Variants in CPPED1 observed in about 807,000 individuals in gnomAD.
CPPED1 encodes calcineurin like phosphoesterase domain containing 1.
A neutral mutation model predicts 28.0 loss-of-function variants in CPPED1; 28 were observed. That is an observed-to-expected ratio of 1.00 (90% CI 0.74 to 1.37). The LOEUF is 1.37. Ranked by LOEUF, CPPED1 falls within the 40% of genes most tolerant of loss-of-function variation. CPPED1 has a pLI of 0.00. For missense variants in CPPED1, 504 were observed against 416.5 expected (o/e 1.21, Z -1.83); for synonymous variants, 198 against 180.2 (o/e 1.10, Z -0.79).
chr16:12,739,810 G>T (rs1305805839), intron 2 of CPPED1, among the ~76,000 whole-genome samples: 1 of 152,124 alleles, frequency 6.6e-6, no homozygotes, highest in African/African-American at 2.4e-5. Context: ...GAAACTTTTG[G>T]TTTCTTGATA....
chr16:12,788,525 T>C (rs1458504370), intron 1 of CPPED1, among the ~76,000 whole-genome samples: 4 of 152,148 alleles, frequency 2.6e-5, no homozygotes, highest in Non-Finnish European at 5.9e-5. Context: ...CTCTCAGAGT[T>C]ACTGTAACCA....
rs1160332592 is a variant in CPPED1, at chr16:12,664,451, G to C, written c.*435C>G. The C allele has an allele frequency of 9.9e-7, 1 of 1,007,016 alleles. No homozygotes were observed. Among genetic ancestry groups the C allele is most frequent in the African/African-American group, 1.7e-5 (1 of 57,334 alleles). The allele number at this position is 1,007,016 out of a possible 1,614,324, so 62.4% of individuals were successfully genotyped here. A position where few individuals can be genotyped will look rare whatever the true frequency, so the allele number is the denominator to read the frequency against. ...GAACTTTGTTTTGCCTAGCGTTTTG[G>C]GAATCGTGACCACAATTTAATACAA... is the stretch of plus-strand genomic sequence containing the variant. On this transcript the variant is annotated 3_prime_UTR_variant, in exon 4 of 4. Coordinates refer to ENST00000381774, the MANE Select transcript of CPPED1 (RefSeq NM_018340.3). This position sits in a 1 kb window ranked among gnomAD's most constrained non-coding sequence, Gnocchi z 4.2.
chr16:12,785,150 A>G (rs540467398), intron 1 of CPPED1, among the ~76,000 whole-genome samples: 22 of 152,334 alleles, frequency 1.4e-4, no homozygotes, highest in African/African-American at 5.1e-4. Flanking sequence ...AGATATTTGG[A>G]GCTTACAATG....
chr16:12,695,276 T>C (rs72779035), intron 3 of CPPED1, among the ~76,000 whole-genome samples: 11,196 of 152,172 alleles, frequency 0.074, 466 homozygotes, highest in Middle Eastern at 0.12. Flanking sequence ...TATTTACTTA[T>C]TTTTTTGAGA....
intron 2 of CPPED1, among the ~76,000 whole-genome samples, chr16:12,733,400 G>A (rs1400197000): frequency 1.3e-5 from 2 of 151,400 alleles, no homozygotes; most frequent in Non-Finnish European, 1.5e-5. Flanking sequence ...TCAGTCTCCT[G>A]AGTAGTTAGG....
rs1201455043 is a variant in CPPED1 at position 12,803,752 on chromosome 16, C to G, written c.25G>C (p.Val9Leu). Residue 9 changes from valine to leucine, a missense_variant, in exon 1 of 4, where the codon GTT becomes CTT. Transcript: ENST00000381774. ...GTCCTGCCCCTGGCTCTGTGGAAAA[C>G]ACCCCCCGCCTCTGCAGCCGACATG... Reference protein sequence around the residue: MSAAEAGGVFHRARGRTLA... With the variant: MSAAEAGGLFHRARGRTLA... 37 of 1,597,180 alleles carry G rather than the reference C, an allele frequency of 2.3e-5. No individual in the cohort carries two copies. Among genetic ancestry groups the G allele is most frequent in the Non-Finnish European group, 3.0e-5 (35 of 1,173,266 alleles).
chr16:12,673,028 G>A (rs1021908870), intron 3 of CPPED1, among the ~76,000 whole-genome samples: 1 of 151,568 alleles, frequency 6.6e-6, no homozygotes, highest in Non-Finnish European at 1.5e-5. Flanking sequence ...AAAGAAAAAA[G>A]AAAAGAGAAA....
At chr16:12,749,207 T>A (rs1442228685) in intron 2 of CPPED1, among the ~76,000 whole-genome samples, 1 of 152,218 alleles carries the variant, frequency 6.6e-6, no homozygotes, top group Non-Finnish European at 1.5e-5. Flanking sequence ...ATCTACAGAA[T>A]GTCCTTCCAA....
At chr16:12,783,601 A>G (rs971619171) in intron 1 of CPPED1, among the ~76,000 whole-genome samples, 2 of 152,188 alleles carry the variant, frequency 1.3e-5, no homozygotes, top group African/African-American at 4.8e-5. Context: ...AGTAAGGGCC[A>G]GTGATAACCT....
intron 3 of CPPED1, among the ~76,000 whole-genome samples, chr16:12,676,785 T>C (rs921485324): frequency 3.9e-5 from 6 of 152,196 alleles, no homozygotes; most frequent in Admixed American, 3.9e-4. Flanking sequence ...ATAATATTTA[T>C]GGAGTGTTCA....
intron 2 of CPPED1, among the ~76,000 whole-genome samples, chr16:12,724,314 C>T (rs566305057): frequency 1.0e-3 from 152 of 152,304 alleles, no homozygotes; most frequent in Non-Finnish European, 1.9e-3. Context: ...TTCAATTCCT[C>T]ACACACTTTA....
At chr16:12,788,508 G>T (rs1037202866) in intron 1 of CPPED1, among the ~76,000 whole-genome samples, 7 of 152,130 alleles carry the variant, frequency 4.6e-5, no homozygotes, top group Admixed American at 3.9e-4. Flanking sequence ...TGTCAGTGCT[G>T]GAAGGACTCT....
rs536148256 is a variant in CPPED1 at position 12,694,848 on chromosome 16, G to A, written c.715+9776C>T. On this transcript the variant is annotated intron_variant, in intron 3 of 3. Transcript: ENST00000381774. The stretch of plus-strand genomic sequence containing the variant: ...GCTAGAGTGCAGTGGCACGATCCCT[G>A]TTCACTGCAACCTCCGCCTCCCAGC... Among the ~76,000 whole-genome samples the A allele has an allele frequency of 2.6e-5, 4 of 151,256 alleles. No individual in the cohort carries two copies. The East Asian group carries it at 7.8e-4, about 30-fold the overall frequency.
At chr16:12,759,163 T>TAC (rs750180409) in intron 2 of CPPED1, 1,216 of 74,362 alleles carry the variant, frequency 0.016, 19 homozygotes, top group African/African-American at 0.062. Context: ...ACTCTGTCTC[T>TAC]AAAAAAAAAA....
chr16:12,684,992 G>C (rs1279756112), intron 3 of CPPED1, among the ~76,000 whole-genome samples: 1 of 152,160 alleles, frequency 6.6e-6, no homozygotes, highest in Non-Finnish European at 1.5e-5. Context: ...TTTTACAAAA[G>C]AACTGCCATG....
At chr16:12,724,480 C>T (rs1342633762) in intron 2 of CPPED1, among the ~76,000 whole-genome samples, 2 of 152,188 alleles carry the variant, frequency 1.3e-5, no homozygotes, top group Non-Finnish European at 2.9e-5. Context: ...GTGGCTCTTT[C>T]AGCTGTCACC....
rs375221597 is a variant in CPPED1 at position 12,719,254 on chromosome 16, G to A, written c.290-14205C>T. Among the ~76,000 whole-genome samples the A allele has an allele frequency of 1.2e-4, 18 of 151,798 alleles. No individual in the cohort carries two copies. In the South Asian group the frequency reaches 2.1e-3, roughly 18 times the overall value. ...AAAACACAAAAAATTAGCCAGGTGC[G>A]GTGGCGGGCGCCTGTAGTCCCAGCT... On this transcript the variant is annotated intron_variant, in intron 2 of 3. Transcript: ENST00000381774.
chr16:12,759,163 TA>T lies in CPPED1; in HGVS notation c.289+22021del, dbSNP rs61373635. The T allele has an allele frequency of 7.4e-3, 551 of 74,344 alleles. 2 individuals are homozygous for T. Among genetic ancestry groups the T allele is most frequent in the African/African-American group, 0.027 (493 of 18,520 alleles). The allele number at this position is 74,344 out of a possible 1,614,324, so 4.6% of individuals were successfully genotyped here. A position where few individuals can be genotyped will look rare whatever the true frequency, so the allele number is the denominator to read the frequency against. ...GGGCAACAGACGAAGACTCTGTCTC[TA>T]AAAAAAAAAAAAAAAAAAAAAAGAC... is the stretch of plus-strand genomic sequence containing the variant. On this transcript the variant is annotated intron_variant, in intron 2 of 3. Coordinates refer to ENST00000381774, the MANE Select transcript of CPPED1 (RefSeq NM_018340.3).
chr16:12,684,597 C>G (rs766547059), intron 3 of CPPED1, among the ~76,000 whole-genome samples: 1 of 152,194 alleles, frequency 6.6e-6, no homozygotes, highest in African/African-American at 2.4e-5. Flanking sequence ...CCTGCTCATT[C>G]GTTTCCTCCA....
Sources: allele counts gnomAD v4.1 joint callset (sites outside exome capture counted in the v4.1 genomes callset), GRCh38; gene constraint gnomAD v4.1.1; non-coding constraint Gnocchi (gnomAD v3.1); transcripts MANE v1.5; gene names NCBI Gene and HGNC (gene_info 2026-07-23, HGNC 2026-07-21).